The following NIPAL3 variants were observed in gnomAD, a reference collection of about 807,000 sequenced individuals.
NIPAL3 encodes NIPA-like protein 3.
NIPAL3 carries 41 observed loss-of-function variants against 47.2 expected under a neutral mutation model. The observed-to-expected ratio is 0.87, with a 90% CI of 0.68 to 1.13. The LOEUF is 1.13. Ranked by LOEUF, NIPAL3 falls within the 50% of genes most tolerant of loss-of-function variation. The pLI, the probability that NIPAL3 is intolerant of heterozygous loss-of-function variation, is 0.00. For missense variants in NIPAL3, 449 were observed against 530.1 expected (o/e 0.85, Z 1.50); for synonymous variants, 194 against 209.6 (o/e 0.93, Z 0.64).
intron 4 of NIPAL3, among the ~76,000 whole-genome samples, chr1:24,443,757 T>C (rs1348492426): frequency 6.6e-6 from 1 of 152,234 alleles, no homozygotes; most frequent in Non-Finnish European, 1.5e-5. Context: ...GTAATTTGAA[T>C]GTCTTTAGCT....
rs933592672 is a variant in NIPAL3 at position 24,471,998 on chromosome 1, C to G, written c.*2813C>G. On this transcript the variant is annotated 3_prime_UTR_variant, in exon 12 of 12. Transcript: ENST00000374399. ...ATATGCTCCCAAACTTACTCTGCCC[C>G]CTTCCTTCCCTTTTTTTTTTTTTTT... 7.3e-6 allele frequency: 1 copy of G among 136,318 alleles called. No homozygotes were observed. The highest frequency in any genetic ancestry group is 2.9e-5 in the African/African-American group (1 of 34,168). The allele number at this position is 136,318 out of a possible 1,614,324, so 8.4% of individuals were successfully genotyped here. A position where few individuals can be genotyped will look rare whatever the true frequency, so the allele number is the denominator to read the frequency against.
chr1:24,458,911 T>C lies in NIPAL3; in HGVS notation c.797T>C (p.Met266Thr). ...QAAFLSQASQMYDSSLIASVG... is the reference protein window; with the variant it reads ...QAAFLSQASQTYDSSLIASVG... Reference sequence around the variant, plus strand: ...AGGTTTTTGAGTCAAGCCTCACAGATGTACGACTCCTCTTTGATTGCCAGT... The same window carrying C: ...AGGTTTTTGAGTCAAGCCTCACAGACGTACGACTCCTCTTTGATTGCCAGT... Residue 266 changes from methionine to threonine, a missense_variant, in exon 9 of 12, where the codon ATG becomes ACG. By Grantham distance (81) the Met-to-Thr change is moderately conservative (BLOSUM62 -1). Transcript: ENST00000374399. 1.2e-6 allele frequency: 2 copies of C among 1,614,158 alleles called. No individual in the cohort carries two copies. Among genetic ancestry groups the C allele is most frequent in the South Asian group, 1.1e-5 (1 of 91,082 alleles).
At chr1:24,446,215 A>G (rs1645657350) in intron 5 of NIPAL3, among the ~76,000 whole-genome samples, 1 of 152,048 alleles carries the variant, frequency 6.6e-6, no homozygotes, top group Admixed American at 6.5e-5. Flanking sequence ...GGAGATGGGA[A>G]CACTTTCCTA....
chr1:24,447,200 AT>A (rs1645711932), intron 5 of NIPAL3, among the ~76,000 whole-genome samples: 1 of 152,244 alleles, frequency 6.6e-6, no homozygotes, highest in Admixed American at 6.5e-5. Context: ...GGGCCGGGGC[AT>A]TGGCATTCTT....
At chr1:24,456,332 G>A (rs947899337) in intron 8 of NIPAL3, 59 bp downstream of exon 8, 14 of 1,609,588 alleles carry the variant, frequency 8.7e-6, no homozygotes, top group Non-Finnish European at 1.2e-5. Context: ...CTCTTTTGGG[G>A]GCCTGATGAC....
intron 2 of NIPAL3, among the ~76,000 whole-genome samples, chr1:24,425,310 T>A (rs1644528061): frequency 7.2e-6 from 1 of 139,444 alleles, no homozygotes; most frequent in Admixed American, 7.6e-5. Flanking sequence ...TTATGAGATT[T>A]TTTTTGCGAT....
At chr1:24,468,698 C>G (rs1200966552) in intron 11 of NIPAL3, among the ~76,000 whole-genome samples, 1 of 152,210 alleles carries the variant, frequency 6.6e-6, no homozygotes, top group East Asian at 1.9e-4. Flanking sequence ...CCACCTGGGG[C>G]CCACACCGAC....
rs184665915 is a variant in NIPAL3 at position 24,472,511 on chromosome 1, G to C, written c.*3326G>C. The C allele has an allele frequency of 1.3e-5, 2 of 152,180 alleles. No homozygotes were observed. Among genetic ancestry groups the C allele is most frequent in the Admixed American group, 6.5e-5 (1 of 15,268 alleles). The allele number at this position is 152,180 out of a possible 1,614,324, so 9.4% of individuals were successfully genotyped here. On this transcript the variant is annotated 3_prime_UTR_variant, in exon 12 of 12. Coordinates refer to ENST00000374399, the MANE Select transcript of NIPAL3 (RefSeq NM_020448.5). ...CAAGCAATGTTAAATATCACACCTC[G>C]GTCTCCTTTTGAGCAGCCCAGGTAC... is the stretch of plus-strand genomic sequence containing the variant.
At chr1:24,463,743 G>A (rs920849607) in intron 10 of NIPAL3, among the ~76,000 whole-genome samples, 5 of 152,182 alleles carry the variant, frequency 3.3e-5, no homozygotes, top group African/African-American at 1.2e-4. Context: ...GAATGGAAGT[G>A]AAGAGCCATG....
chr1:24,427,306 A>T (rs1374980749), intron 2 of NIPAL3, among the ~76,000 whole-genome samples: 1 of 152,212 alleles, frequency 6.6e-6, no homozygotes, highest in Non-Finnish European at 1.5e-5. Context: ...AGTGTAGCCC[A>T]GGGCTGGTGG....
At chr1:24,465,045 A>G (rs912823917) in intron 11 of NIPAL3, 1 of 152,148 alleles carries the variant, frequency 6.6e-6, no homozygotes, top group African/African-American at 2.4e-5. Context: ...CTCGTTATTA[A>G]GCTGTTGTCT....
In NIPAL3 at chr1:24,442,150, C is replaced by T. The variant is rs375108871; in HGVS notation, c.258C>T (p.Gly86=). 486 of 1,614,078 alleles carry T rather than the reference C, an allele frequency of 3.0e-4. No individual in the cohort carries two copies. Among genetic ancestry groups the T allele is most frequent in the Non-Finnish European group, 3.8e-4 (451 of 1,180,036 alleles). Residue 86 remains glycine (G), a synonymous_variant, in exon 4 of 12, where the codon GGC becomes GGT. Transcript: ENST00000374399. ...WWLGLFLMLL[G]ELGVFASYAF... ...TGGGCCTGTTCCTGATGCTTCTGGG[C>T]GAGCTGGGTGTGTTCGCCTCCTACG...
chr1:24,463,149 C>T (rs1557536287), intron 10 of NIPAL3, among the ~76,000 whole-genome samples: 1 of 151,926 alleles, frequency 6.6e-6, no homozygotes, highest in African/African-American at 2.4e-5. Flanking sequence ...GATCCTGCCA[C>T]TTGACTCCAG....
At chr1:24,457,656 C>T (rs914808816) in intron 8 of NIPAL3, 18 of 478,258 alleles carry the variant, frequency 3.8e-5, no homozygotes, top group Admixed American at 1.4e-4. Flanking sequence ...TAGAAAGTGG[C>T]GGAGCTGAGA....
At position 24,466,035 on chromosome 1, in the gene NIPAL3, C is replaced by T. The variant is rs371288450; in HGVS notation, c.1021+1915C>T. On this transcript the variant is annotated intron_variant, in intron 11 of 11. Transcript: ENST00000374399. Reference sequence around the variant, plus strand: ...ATCTTCACAACAGACAACTGCTGTTCAAGAGGTATTCAAATTCCAGAAATT... The same window carrying T: ...ATCTTCACAACAGACAACTGCTGTTTAAGAGGTATTCAAATTCCAGAAATT... 3.0e-5 allele frequency: 48 copies of T among 1,611,866 alleles called. No individual in the cohort carries two copies. The African/African-American group carries it at 5.5e-4, about 18-fold the overall frequency.
chr1:24,456,406 A>T lies in NIPAL3; in HGVS notation c.773+133A>T, dbSNP rs1188416445. The T allele has an allele frequency of 5.5e-6, 7 of 1,270,510 alleles. No homozygotes were observed. In the African/African-American group the frequency reaches 8.9e-5, roughly 16 times the overall value. The allele number at this position is 1,270,510 out of a possible 1,614,324, so 78.7% of individuals were successfully genotyped here. A position where few individuals can be genotyped will look rare whatever the true frequency, so the allele number is the denominator to read the frequency against. ...AGGGCCTGGCATCCAGCATGGAGAG[A>T]GGAGCTGCTAATTTGCTGAGTTGTC... On this transcript the variant is annotated intron_variant, in intron 8 of 11. Transcript: ENST00000374399.
intron 2 of NIPAL3, among the ~76,000 whole-genome samples, chr1:24,433,608 A>G (rs774510661): frequency 1.3e-5 from 2 of 152,160 alleles, no homozygotes; most frequent in Non-Finnish European, 2.9e-5. Context: ...AATTATTGCC[A>G]TTTATTTGTG....
intron 7 of NIPAL3, among the ~76,000 whole-genome samples, chr1:24,453,848 T>C (rs1646059543): frequency 6.6e-6 from 1 of 152,180 alleles, no homozygotes; most frequent in Admixed American, 6.5e-5. Context: ...TAGTAGAGCA[T>C]GCCCCAGCGA....
At chr1:24,441,269 G>A (rs1183487431) in intron 3 of NIPAL3, among the ~76,000 whole-genome samples, 2 of 152,210 alleles carry the variant, frequency 1.3e-5, no homozygotes, top group African/African-American at 2.4e-5. Context: ...GCTCTGGGAT[G>A]TGTATGTTTC....
Sources: gnomAD v4.1 joint callset for allele counts (sites outside exome capture counted in the v4.1 genomes callset) on GRCh38, gnomAD v4.1.1 for gene constraint, MANE v1.5 for transcripts, NCBI Gene and HGNC (gene_info 2026-07-23, HGNC 2026-07-21) for gene names.